TBC1D14: variants seen among roughly 807,000 people sequenced by gnomAD.
TBC1D14 encodes TBC1 domain family, member 14.
Under a neutral mutation model 79.0 loss-of-function variants are expected in TBC1D14, and 26 were observed. The ratio of observed to expected loss-of-function variants is 0.33; its 90% confidence interval spans 0.24 to 0.46. The LOEUF is 0.46. Among genes scored for constraint, TBC1D14 ranks in the 20% least tolerant of loss-of-function variants. TBC1D14 has a pLI of 1.00. For synonymous variants in TBC1D14, 394 were observed against 349.9 expected (o/e 1.13, Z -1.40); for missense variants, 769 against 887.6 (o/e 0.87, Z 1.70).
At chr4:6,990,507 C>T (rs1284834731) in intron 3 of TBC1D14, among the ~76,000 whole-genome samples, 1 of 152,172 alleles carries the variant, frequency 6.6e-6, no homozygotes. Flanking sequence ...CTTAAGTGGG[C>T]AGTTTATTTT....
intron 1 of TBC1D14, among the ~76,000 whole-genome samples, chr4:6,916,366 C>T (rs976462233): frequency 1.3e-5 from 2 of 152,186 alleles, no homozygotes; most frequent in South Asian, 2.1e-4. Context: ...TCTACACAGA[C>T]GGCAGCATGA....
intron 3 of TBC1D14, among the ~76,000 whole-genome samples, chr4:6,967,993 C>T (rs1229351794): frequency 6.6e-6 from 1 of 152,170 alleles, no homozygotes; most frequent in African/African-American, 2.4e-5. Context: ...CTGCTGGAGG[C>T]TTGCTTGTGC....
At chr4:7,001,106 G>T (rs147515697) in intron 6 of TBC1D14, 39 bp from the exon 7 acceptor site, 1 of 1,582,992 alleles carries the variant, frequency 6.3e-7, no homozygotes, top group South Asian at 1.1e-5. Flanking sequence ...ATGTCTTTGT[G>T]TGGAACAAAC....
At chr4:6,915,655 T>C (rs1203638685) in intron 1 of TBC1D14, among the ~76,000 whole-genome samples, 1 of 151,974 alleles carries the variant, frequency 6.6e-6, no homozygotes, top group African/African-American at 2.4e-5. Context: ...GTATTTAGAG[T>C]TCAGGACGGT....
intron 3 of TBC1D14, among the ~76,000 whole-genome samples, chr4:6,988,885 C>CTTTTTTTTTTTTTTTTTTTT (rs34268749): frequency 3.9e-5 from 3 of 76,808 alleles, no homozygotes; most frequent in East Asian, 3.9e-4. Flanking sequence ...TTCTTTCTTT[C>CTTTTTTTTTTTTTTTTTTTT]TTTTTTTTTT....
At chr4:6,960,789 G>T (rs898154871) in intron 2 of TBC1D14, among the ~76,000 whole-genome samples, 2 of 152,202 alleles carry the variant, frequency 1.3e-5, no homozygotes, top group Non-Finnish European at 2.9e-5. Flanking sequence ...GCTGTTTTCA[G>T]CCCCCGCTGC....
intron 2 of TBC1D14, among the ~76,000 whole-genome samples, chr4:6,956,231 C>T (rs976709035): frequency 2.0e-5 from 3 of 152,248 alleles, no homozygotes; most frequent in African/African-American, 4.8e-5. Flanking sequence ...TCTGCGCCTG[C>T]GAACAGATGA....
intron 7 of TBC1D14, among the ~76,000 whole-genome samples, chr4:7,002,177 G>A (rs1401035589): frequency 1.3e-5 from 2 of 152,178 alleles, no homozygotes; most frequent in East Asian, 1.9e-4. Context: ...GCTTCTGTGC[G>A]GTGTGGTCCT....
intron 1 of TBC1D14, among the ~76,000 whole-genome samples, chr4:6,912,562 G>A (rs1723090006): frequency 6.6e-6 from 1 of 152,152 alleles, no homozygotes; most frequent in Non-Finnish European, 1.5e-5. Context: ...CACGGCAGGT[G>A]TGAGGAGAGA....
Position 6,923,864 on chromosome 4 carries a change from G to C in TBC1D14, c.475G>C (p.Val159Leu). The C allele has an allele frequency of 6.2e-7, 1 of 1,614,128 alleles. No individual in the cohort carries two copies. ...CAGCGATGATGTCTCCGTCTGCAGC[G>C]TGTCCAGTCTTGGGACAGAGCTGTC... ...TRSDDVSVCS[V>L]SSLGTELSTT... The change falls in exon 2 of 14, where the codon GTG becomes CTG. Residue 159 changes from valine to leucine, a missense_variant. Val to Leu is a conservative substitution (Grantham distance 32, BLOSUM62 1). This residue lies in a region of TBC1D14 where 402 missense variants were observed against 393.2 expected (regional missense o/e 1.02). Transcript: ENST00000409757.
chr4:7,027,898 ACAAT>A (rs1046917536), intron 13 of TBC1D14, among the ~76,000 whole-genome samples: 2 of 142,708 alleles, frequency 1.4e-5, no homozygotes, highest in African/African-American at 5.3e-5. Context: ...CCAGTCACCC[ACAAT>A]CACACACATA....
At chr4:6,917,664 C>G (rs1207635091) in intron 1 of TBC1D14, among the ~76,000 whole-genome samples, 2 of 152,078 alleles carry the variant, frequency 1.3e-5, no homozygotes, top group Non-Finnish European at 2.9e-5. Context: ...CAGGAGGGCC[C>G]TGTGTGTCGG....
intron 2 of TBC1D14, among the ~76,000 whole-genome samples, 153 bp from the exon 3 acceptor site, chr4:6,967,151 G>A (rs543652300): frequency 1.1e-4 from 17 of 152,170 alleles, no homozygotes; most frequent in Admixed American, 4.6e-4. Flanking sequence ...CTCCTGCCGC[G>A]TAATTCTGTG....
chr4:7,021,241 G>A (rs912404294), intron 12 of TBC1D14, among the ~76,000 whole-genome samples: 7 of 152,204 alleles, frequency 4.6e-5, no homozygotes, highest in Non-Finnish European at 1.0e-4. Flanking sequence ...AAACAGATAC[G>A]CAGCTTTTGT....
chr4:6,923,384 A>C lies in TBC1D14; in HGVS notation c.-6A>C. 1 of 1,586,540 alleles carries C rather than the reference A, an allele frequency of 6.3e-7. No individual in the cohort carries two copies. On this transcript the variant is annotated 5_prime_UTR_variant, in exon 2 of 14. Transcript: ENST00000409757. Reference sequence around the variant, plus strand: ...TGTGTTTTTTCTAGTTTCTCCTTGGACCAAGATGACTGATGGAAAACTCTC... The same window carrying C: ...TGTGTTTTTTCTAGTTTCTCCTTGGCCCAAGATGACTGATGGAAAACTCTC...
At chr4:6,966,529 A>C (rs758951277) in intron 2 of TBC1D14, among the ~76,000 whole-genome samples, 1 of 152,324 alleles carries the variant, frequency 6.6e-6, no homozygotes, top group Non-Finnish European at 1.5e-5. Flanking sequence ...TTACGTACTA[A>C]AGCAGCTGTT....
chr4:7,029,178 C>G (rs1722786405), intron 13 of TBC1D14, among the ~76,000 whole-genome samples: 1 of 152,212 alleles, frequency 6.6e-6, no homozygotes, highest in Non-Finnish European at 1.5e-5. Flanking sequence ...TATGTTGAGC[C>G]AGCAACCCCA....
At chr4:7,016,627 A>G (rs368386894) in intron 12 of TBC1D14, among the ~76,000 whole-genome samples, 5 of 152,366 alleles carry the variant, frequency 3.3e-5, no homozygotes, top group Admixed American at 2.0e-4. Context: ...TTGTGACCCA[A>G]TGTGTGCAGA....
Position 7,025,064 on chromosome 4 carries a change from G to A in TBC1D14, c.1818G>A (p.Val606=), listed in dbSNP as rs975759453. 2 of 1,614,172 alleles carry A rather than the reference G, an allele frequency of 1.2e-6. No individual in the cohort carries two copies. The highest frequency in any genetic ancestry group is 2.2e-5 in the East Asian group (1 of 44,870). The change falls in exon 13 of 14, where the codon GTG becomes GTA. Residue 606 remains valine (V), a synonymous_variant. Transcript: ENST00000409757. ...PLDLACRIWD[V]FCRDGEEFLF... is the part of the protein sequence containing the mutation. ...ACCTGGCCTGTCGTATCTGGGACGT[G>A]TTCTGTCGCGATGGGGAAGAGTTCC...
Sources: allele counts gnomAD v4.1 joint callset (sites outside exome capture counted in the v4.1 genomes callset), GRCh38; gene constraint gnomAD v4.1.1; regional missense constraint gnomAD v4.1.1; transcripts MANE v1.5; gene names NCBI Gene and HGNC (gene_info 2026-07-23, HGNC 2026-07-21).